Variants in OLFM1 observed in about 807,000 individuals in gnomAD.
OLFM1 encodes the protein noelin.
OLFM1 carries 9 observed loss-of-function variants against 49.7 expected under a neutral mutation model. That is an observed-to-expected ratio of 0.18 (90% confidence interval 0.11 to 0.32). OLFM1 has a LOEUF of 0.32. Among genes scored for constraint, OLFM1 ranks in the 10% least tolerant of loss-of-function variants. The pLI is 1.00. For synonymous variants in OLFM1, 240 were observed against 271.8 expected, an observed-to-expected ratio of 0.88 and a Z score of 1.15; for missense variants, 369 against 661.8, an observed-to-expected ratio of 0.56 and a Z score of 4.85.
upstream of OLFM1, among the ~76,000 whole-genome samples, chr9:135,083,023 G>T (rs1339751733): frequency 2.0e-5 from 3 of 152,216 alleles, no homozygotes; most frequent in African/African-American, 7.2e-5. Context: ...TGGACCCTGG[G>T]ATTGACTCTT....
intron 1 of OLFM1, among the ~76,000 whole-genome samples, chr9:135,079,477 C>T (rs753924180): frequency 2.0e-5 from 3 of 152,110 alleles, no homozygotes; most frequent in Non-Finnish European, 4.4e-5. Context: ...TGGTGGCAGA[C>T]GCCTATAATC....
intron 3 of OLFM1, among the ~76,000 whole-genome samples, chr9:135,097,098 G>A (rs577939366): frequency 2.0e-5 from 3 of 152,336 alleles, no homozygotes; most frequent in East Asian, 3.9e-4. Context: ...AACTGCTGGT[G>A]TACTCTGTCT....
At chr9:135,094,429 G>A (rs759310345) in intron 2 of OLFM1, among the ~76,000 whole-genome samples, 1 of 152,146 alleles carries the variant, frequency 6.6e-6, no homozygotes. Flanking sequence ...CTTGAAGGAC[G>A]AATATAGACA....
At chr9:135,090,136 C>A in intron 1 of OLFM1, 59 bp from the exon 2 acceptor site, 1 of 1,494,864 alleles carries the variant, frequency 6.7e-7, no homozygotes, top group Non-Finnish European at 9.1e-7. Flanking sequence ...CTCTGATACA[C>A]AACCTCATGG....
At position 135,120,089 on chromosome 9, in the gene OLFM1, A is replaced by G. The variant is rs1210756281; in HGVS notation, c.1369A>G (p.Lys457Glu). The part of the protein sequence containing the change: ...SHISMLDYNP[K>E]DRALYAWNNG... ...CATCTCCATGCTGGACTACAACCCC[A>G]AGGACCGGGCCCTGTATGCCTGGAA... Residue 457 changes from lysine (K) to glutamate (E), a missense_variant, in exon 6 of 6, where the codon AAG becomes GAG. Physicochemically the swap from Lys to Glu is moderately conservative, Grantham distance 56. This residue lies in a region of OLFM1 where 294 missense variants were observed against 567.5 expected (regional missense o/e 0.52). Coordinates refer to ENST00000371793, the MANE Select transcript of OLFM1 (RefSeq NM_001282611.2). 2 of 1,613,996 alleles carry G rather than the reference A, an allele frequency of 1.2e-6. No homozygotes were observed. Among genetic ancestry groups the G allele is most frequent in the Non-Finnish European group, 1.7e-6 (2 of 1,180,000 alleles).
At chr9:135,103,159 C>G (rs1009442436) in intron 4 of OLFM1, among the ~76,000 whole-genome samples, 1 of 152,204 alleles carries the variant, frequency 6.6e-6, no homozygotes, top group African/African-American at 2.4e-5. Context: ...CCTGAGCCTC[C>G]AACAGTGCAG....
intron 4 of OLFM1, among the ~76,000 whole-genome samples, chr9:135,102,102 G>T (rs920117263): frequency 6.6e-6 from 1 of 152,244 alleles, no homozygotes; most frequent in Non-Finnish European, 1.5e-5. Flanking sequence ...GCCGCTGGGA[G>T]CTGGGCCTGC....
chr9:135,091,547 TCACACACTCATAGTCA>T (rs1830689349), intron 2 of OLFM1, among the ~76,000 whole-genome samples: 4 of 89,828 alleles, frequency 4.5e-5, no homozygotes, highest in African/African-American at 1.5e-4. Context: ...ACTCACATAG[TCACACACTCATAGTCA>T]CACACACACA....
intron 1 of OLFM1, chr9:135,076,046 C>T (rs1470684313): frequency 6.9e-7 from 1 of 1,449,980 alleles, no homozygotes; most frequent in African/African-American, 1.4e-5. Flanking sequence ...CAGCTGCCCC[C>T]TTTTTCCTAG....
intron 1 of OLFM1, 81 bp from the exon 2 acceptor site, chr9:135,090,114 C>T (rs989083422): frequency 3.8e-6 from 5 of 1,322,186 alleles, no homozygotes; most frequent in African/African-American, 2.9e-5. Context: ...GACAGTTTCC[C>T]CTGGTTGTTG....
Position 135,116,945 on chromosome 9 carries a change from GAGA to G in OLFM1, c.784-2553_784-2551del, listed in dbSNP as rs1234494139. On this transcript the variant is annotated intron_variant, in intron 5 of 5. Transcript: ENST00000371793. ...CTTGTAAGTATCGAATGGATGTCTT[GAGA>G]AGAAGGTTATAATTTTTTTTTAATT... Among the ~76,000 whole-genome samples the G allele has an allele frequency of 4.0e-5, 6 of 149,986 alleles. No homozygotes were observed. The East Asian group carries it at 1.2e-3, about 29-fold the overall frequency.
chr9:135,087,361 C>T (rs761557690), upstream of OLFM1: 1,710 of 1,545,186 alleles, frequency 1.1e-3, 1 homozygote, highest in Admixed American at 1.5e-3. Flanking sequence ...GAGAGGGATG[C>T]CCCGGCGTGA....
Position 135,113,410 on chromosome 9 carries a change from C to T in OLFM1, c.784-6094C>T, listed in dbSNP as rs75999986. Among the ~76,000 whole-genome samples the T allele has an allele frequency of 0.014, 2,112 of 152,286 alleles. 44 individuals are homozygous for T. Among genetic ancestry groups the T allele is most frequent in the African/African-American group, 0.048 (2,001 of 41,556 alleles). On this transcript the variant is annotated intron_variant, in intron 5 of 5. Coordinates refer to ENST00000371793, the MANE Select transcript of OLFM1 (RefSeq NM_001282611.2). This position sits in a 1 kb window ranked among gnomAD's most constrained non-coding sequence, Gnocchi z 4.0. ...CTAGCCTACCCAGAACCACCAAGCCCACTCGAGTCCCGGGCTAAGGACATA... is the reference window on the plus strand; with the variant it reads ...CTAGCCTACCCAGAACCACCAAGCCTACTCGAGTCCCGGGCTAAGGACATA...
intron 2 of OLFM1, among the ~76,000 whole-genome samples, chr9:135,091,388 C>A (rs1830682906): frequency 6.6e-6 from 1 of 152,158 alleles, no homozygotes; most frequent in Admixed American, 6.5e-5. Flanking sequence ...AACTTTCCCA[C>A]CCTGAGGGAG....
intron 3 of OLFM1, among the ~76,000 whole-genome samples, chr9:135,097,169 G>T (rs1830810887): frequency 6.6e-6 from 1 of 152,156 alleles, no homozygotes. Context: ...CATGAGGCAA[G>T]AACTAATTCT....
intron 1 of OLFM1, chr9:135,076,425 G>T (rs1191504157): frequency 6.8e-7 from 1 of 1,460,130 alleles, no homozygotes; most frequent in South Asian, 1.4e-5. Flanking sequence ...TGCTGGTGTG[G>T]GGATCGTGGG....
Position 135,075,635 on chromosome 9 carries a change from C to T in OLFM1, c.-72C>T, listed in dbSNP as rs1048717402. 3.4e-5 allele frequency: 37 copies of T among 1,103,064 alleles called. No individual in the cohort carries two copies. The African/African-American group carries it at 5.5e-4, about 16-fold the overall frequency. The allele number at this position is 1,103,064 out of a possible 1,614,324, so 68.3% of individuals were successfully genotyped here. A position where few individuals can be genotyped will look rare whatever the true frequency, so the allele number is the denominator to read the frequency against. ...AGCCAGGCGCCGCCGCCGGAGCCAGCGGAGCCGGGGCCAGAGCCGGAGCGC... is the reference window on the plus strand; with the variant it reads ...AGCCAGGCGCCGCCGCCGGAGCCAGTGGAGCCGGGGCCAGAGCCGGAGCGC... On this transcript the variant is annotated 5_prime_UTR_variant, in exon 1 of 6. Coordinates refer to the OLFM1 transcript ENST00000252854.
At chr9:135,092,595 G>T (rs1417537195) in intron 2 of OLFM1, among the ~76,000 whole-genome samples, 1 of 152,170 alleles carries the variant, frequency 6.6e-6, no homozygotes, top group African/African-American at 2.4e-5. Flanking sequence ...TGGGCTGTGG[G>T]GGCCGGCGAG....
At chr9:135,085,487 G>C (rs1345888695), upstream of OLFM1, among the ~76,000 whole-genome samples, 2 of 152,270 alleles carry the variant, frequency 1.3e-5, no homozygotes, top group Non-Finnish European at 2.9e-5. Context: ...CATCTATACA[G>C]TGGAGTCAAT....
Sources: allele counts gnomAD v4.1 joint callset (sites outside exome capture counted in the v4.1 genomes callset), GRCh38; gene constraint gnomAD v4.1.1; regional missense constraint gnomAD v4.1.1; non-coding constraint Gnocchi (gnomAD v3.1); transcripts MANE v1.5; gene names NCBI Gene and HGNC (gene_info 2026-07-23, HGNC 2026-07-21).